The following GPRC6A variants were observed in gnomAD, a reference collection of about 807,000 sequenced individuals.
GPRC6A encodes G protein-coupled receptor family C group 6 member A.
GPRC6A carries 54 observed loss-of-function variants against 47.0 expected under a neutral mutation model. That is an observed-to-expected ratio of 1.15 (90% confidence interval 0.92 to 1.44). The LOEUF (loss-of-function observed/expected upper bound fraction) is 1.44, where lower values mean the gene tolerates loss of function less well. Among genes scored for constraint, GPRC6A ranks in the 40% most tolerant of loss-of-function variants. GPRC6A has a pLI of 0.00. For synonymous variants in GPRC6A, 347 were observed against 377.1 expected (o/e 0.92, Z 0.93); for missense variants, 1,112 against 1,105.5 (o/e 1.01, Z -0.08).
In GPRC6A at chr6:116,806,905, A is replaced by G. The variant is rs2114595645; in HGVS notation, c.800T>C (p.Leu267Ser). 1 of 1,613,754 alleles carries G rather than the reference A, an allele frequency of 6.2e-7. No homozygotes were observed. Among genetic ancestry groups the G allele is most frequent in the East Asian group, 2.2e-5 (1 of 44,866 alleles). The change falls in exon 3 of 6, where the codon TTA becomes TCA. Residue 267 changes from leucine to serine, a missense_variant. Physicochemically the swap from Leu to Ser is moderately radical, Grantham distance 145. Transcript: ENST00000310357. ...RINRTLKKII[L>S]EAQVNVIVVF... ...CACAATGACATTAACCTGGGCTTCT[A>G]AAATGATTTTCTTCAGTGTCCGATT...
rs1562477045 is a variant in GPRC6A at position 116,793,002 on chromosome 6, A to G, written c.1921T>C (p.Phe641Leu). 6.2e-7 allele frequency: 1 copy of G among 1,614,096 alleles called. No homozygotes were observed. The highest frequency in any genetic ancestry group is 8.5e-7 in the Non-Finnish European group (1 of 1,179,980). Residue 641 changes from phenylalanine (F) to leucine (L), a missense_variant, in exon 6 of 6, where the codon TTC (phenylalanine) becomes CTC (leucine). By Grantham distance (22) the Phe-to-Leu change is conservative (BLOSUM62 0). Transcript: ENST00000310357. The part of the protein sequence containing the change: ...RVCYVILLCH[F>L]LNFASTSFFI... ...AAGCTCGTGCTGGCAAAATTGAGGA[A>G]ATGACAGAGAAGGATCACATAGCAG...
chr6:116,794,601 T>C (rs1031171116), intron 5 of GPRC6A, among the ~76,000 whole-genome samples: 1 of 152,186 alleles, frequency 6.6e-6, no homozygotes. Flanking sequence ...AAATGTTACA[T>C]ACTCCTTGGT....
At chr6:116,812,746 A>G (rs1279574120) in intron 1 of GPRC6A, among the ~76,000 whole-genome samples, 1 of 152,234 alleles carries the variant, frequency 6.6e-6, no homozygotes, top group East Asian at 1.9e-4. Context: ...TAGTGTTGGA[A>G]GTTCTGGCCA....
chr6:116,821,595 A>C (rs1367754989), intron 1 of GPRC6A, among the ~76,000 whole-genome samples: 1 of 152,080 alleles, frequency 6.6e-6, no homozygotes, highest in Non-Finnish European at 1.5e-5. Context: ...ACCTGAGAAA[A>C]ACAAGCAATG....
intron 1 of GPRC6A, among the ~76,000 whole-genome samples, chr6:116,817,046 A>T (rs933215197): frequency 6.6e-6 from 1 of 152,218 alleles, no homozygotes; most frequent in Non-Finnish European, 1.5e-5. Flanking sequence ...CAGCTCAAGG[A>T]GGCCTGCCTG....
At chr6:116,814,254 G>T (rs1313976031) in intron 1 of GPRC6A, among the ~76,000 whole-genome samples, 18 of 152,140 alleles carry the variant, frequency 1.2e-4, no homozygotes. Context: ...TCATTACTGG[G>T]TATATACCCA....
At chr6:116,798,132 A>C (rs191199298) in intron 4 of GPRC6A, among the ~76,000 whole-genome samples, 1 of 152,342 alleles carries the variant, frequency 6.6e-6, no homozygotes, top group African/African-American at 2.4e-5. Context: ...GACAGAGTTA[A>C]AATAAGCAAA....
chr6:116,820,805 G>A (rs1773441159), intron 1 of GPRC6A, among the ~76,000 whole-genome samples: 1 of 150,064 alleles, frequency 6.7e-6, no homozygotes, highest in Non-Finnish European at 1.5e-5. Flanking sequence ...GCACAAGACA[G>A]GGATGCCCTC....
intron 4 of GPRC6A, among the ~76,000 whole-genome samples, chr6:116,799,982 G>A (rs918452459): frequency 2.0e-5 from 3 of 152,100 alleles, no homozygotes; most frequent in African/African-American, 7.2e-5. Context: ...TTTCAGTTTT[G>A]TTAGAACAGA....
At chr6:116,826,935 A>T (rs191097094) in intron 1 of GPRC6A, among the ~76,000 whole-genome samples, 116 of 152,150 alleles carry the variant, frequency 7.6e-4, no homozygotes, top group African/African-American at 2.4e-3. Flanking sequence ...TGTTAAGTGA[A>T]ACAACTCAGG....
At chr6:116,816,240 C>T (rs2114609849) in intron 1 of GPRC6A, among the ~76,000 whole-genome samples, 1 of 152,242 alleles carries the variant, frequency 6.6e-6, no homozygotes, top group South Asian at 2.1e-4. Context: ...TGCCTATGAG[C>T]CTGCAAAATA....
intron 1 of GPRC6A, among the ~76,000 whole-genome samples, chr6:116,814,279 A>G (rs1159260237): frequency 6.6e-6 from 1 of 152,244 alleles, no homozygotes; most frequent in Non-Finnish European, 1.5e-5. Context: ...ATTATAAATC[A>G]TGCTACTATA....
At chr6:116,822,845 A>T (rs1195047087) in intron 1 of GPRC6A, among the ~76,000 whole-genome samples, 8 of 151,040 alleles carry the variant, frequency 5.3e-5, no homozygotes, top group Admixed American at 5.3e-4. Flanking sequence ...ATGTACCCTA[A>T]AACTTAAAGT....
intron 1 of GPRC6A, among the ~76,000 whole-genome samples, chr6:116,815,765 C>A (rs1773184946): frequency 6.6e-6 from 1 of 151,968 alleles, no homozygotes. Context: ...TTCTGAATAA[C>A]CATTGGATTA....
Position 116,806,588 on chromosome 6 carries a change from T to A in GPRC6A, c.1117A>T (p.Ser373Cys). Reference protein sequence around the residue: ...ACAYVKDTDLSQCIFNHSQRT... With the variant: ...ACAYVKDTDLCQCIFNHSQRT... ...TGAGAATGATTGAATATGCATTGAC[T>A]CAAATCAGTGTCCTTGACATATGCG... The change falls in exon 3 of 6, where the codon AGT becomes TGT. Residue 373 changes from serine (S) to cysteine (C), a missense_variant. By Grantham distance (112) the Ser-to-Cys change is moderately radical (BLOSUM62 -1). Coordinates refer to ENST00000310357, the MANE Select transcript of GPRC6A (RefSeq NM_148963.4). 6.2e-7 allele frequency: 1 copy of A among 1,613,606 alleles called. No homozygotes were observed. The highest frequency in any genetic ancestry group is 8.5e-7 in the Non-Finnish European group (1 of 1,179,736).
At position 116,792,678 on chromosome 6, in the gene GPRC6A, T is replaced by C. The variant is rs746180574; in HGVS notation, c.2245A>G (p.Ile749Val). The C allele has an allele frequency of 1.2e-6, 2 of 1,613,478 alleles. No individual in the cohort carries two copies. The highest frequency in any genetic ancestry group is 2.2e-5 in the South Asian group (2 of 91,052). Residue 749 changes from isoleucine to valine, a missense_variant, in exon 6 of 6, where the codon ATA (isoleucine) becomes GTA (valine). By Grantham distance (29) the Ile-to-Val change is conservative. Coordinates refer to ENST00000310357, the MANE Select transcript of GPRC6A (RefSeq NM_148963.4). ...CCCAGCATGGTGCCAAATGCAAGTATGGATCCCTCCTCACACTCCAGGATG... is the reference window on the plus strand; with the variant it reads ...CCCAGCATGGTGCCAAATGCAAGTACGGATCCCTCCTCACACTCCAGGATG... The part of the protein sequence containing the change: ...VIILECEEGS[I>V]LAFGTMLGYI...
rs749577165 is a variant in GPRC6A, at chr6:116,793,200, T to A, written c.1723A>T (p.Arg575Trp). ...CNNKTHWAPV[R>W]STMCFEKEVE... is the part of the protein sequence containing the mutation. ...TCCTTTTCAAAGCACATAGTGCTCC[T>A]AACAGGGGCCCAGTGAGTTTTGTTG... Residue 575 changes from arginine to tryptophan, a missense_variant, in exon 6 of 6, where the codon AGG (arginine) becomes TGG (tryptophan). Physicochemically the swap from Arg to Trp is moderately radical, Grantham distance 101. Coordinates refer to ENST00000310357, the MANE Select transcript of GPRC6A (RefSeq NM_148963.4). 1 of 1,609,008 alleles carries A rather than the reference T, an allele frequency of 6.2e-7. No individual in the cohort carries two copies. The highest frequency in any genetic ancestry group is 1.1e-5 in the South Asian group (1 of 89,996).
chr6:116,825,661 A>G (rs1178321364), intron 1 of GPRC6A, among the ~76,000 whole-genome samples: 1 of 151,972 alleles, frequency 6.6e-6, no homozygotes, highest in African/African-American at 2.4e-5. Context: ...TATGGAGTCA[A>G]TGCAATCCCT....
chr6:116,803,937 T>A (rs1462843686), intron 3 of GPRC6A, among the ~76,000 whole-genome samples: 1 of 152,120 alleles, frequency 6.6e-6, no homozygotes, highest in African/African-American at 2.4e-5. Flanking sequence ...TGTTTGATTG[T>A]ATATATCAAT....
Sources: allele counts gnomAD v4.1 joint callset (sites outside exome capture counted in the v4.1 genomes callset), GRCh38; gene constraint gnomAD v4.1.1; transcripts MANE v1.5; gene names NCBI Gene and HGNC (gene_info 2026-07-23, HGNC 2026-07-21).